Variants in PLEKHG4B observed in about 807,000 individuals in gnomAD.
The protein encoded by PLEKHG4B is pleckstrin homology and RhoGEF domain containing G4B, also known as pleckstrin homology domain-containing family G member 4B.
PLEKHG4B carries 111 observed loss-of-function variants against 121.3 expected under a neutral mutation model. That is an observed-to-expected ratio of 0.92 (90% CI 0.78 to 1.07). The LOEUF is 1.07. Among genes scored for constraint, PLEKHG4B ranks in the 50% least tolerant of loss-of-function variants. The pLI, the probability that PLEKHG4B is intolerant of heterozygous loss-of-function variation, is 0.00. For synonymous variants in PLEKHG4B, 738 were observed against 725.0 expected (o/e 1.02, Z -0.29); for missense variants, 1,831 against 1,757.8 (o/e 1.04, Z -0.74).
intron 14 of PLEKHG4B, 56 bp from the exon 15 acceptor site, chr5:170,987 C>T: frequency 1.4e-6 from 2 of 1,447,774 alleles, no homozygotes; most frequent in South Asian, 2.5e-5. Flanking sequence ...CTGCGGGAGC[C>T]TGCTGTCTCT....
rs887131222 is a variant in PLEKHG4B at position 173,086 on chromosome 5, G to A, written c.4221+19G>A. On this transcript the variant is annotated intron_variant, in intron 17 of 19. Coordinates refer to ENST00000637938, the MANE Select transcript of PLEKHG4B (RefSeq NM_052909.5). ...CTTCAAGGTAGCACCCGCCCGGTCCGATTGGGTGCAGGCCGAGCCAGGCCC... is the reference window on the plus strand; with the variant it reads ...CTTCAAGGTAGCACCCGCCCGGTCCAATTGGGTGCAGGCCGAGCCAGGCCC... 3.7e-6 allele frequency: 6 copies of A among 1,610,902 alleles called. No individual in the cohort carries two copies. Among genetic ancestry groups the A allele is most frequent in the African/African-American group, 2.7e-5 (2 of 74,870 alleles).
rs935485691 is a variant in PLEKHG4B, at chr5:163,082, G to A, written c.3010G>A (p.Glu1004Lys). The A allele has an allele frequency of 5.1e-6, 8 of 1,563,420 alleles. No homozygotes were observed. The African/African-American group carries it at 9.5e-5, about 19-fold the overall frequency. The change falls in exon 13 of 20, where the codon GAA becomes AAA. Residue 1004 changes from glutamate (E) to lysine (K), a missense_variant. Glu to Lys is a moderately conservative substitution (Grantham distance 56). Coordinates refer to ENST00000637938, the MANE Select transcript of PLEKHG4B (RefSeq NM_052909.5). ...PSTDSGGGAW[E>K]PAQPLSGLPG... ...CACGGACAGTGGGGGTGGTGCCTGG[G>A]AACCTGCGCAACCACTGTCCGGCCT...
intron 3 of PLEKHG4B, among the ~76,000 whole-genome samples, chr5:142,372 A>G (rs997531821): frequency 2.0e-5 from 3 of 151,850 alleles, no homozygotes; most frequent in African/African-American, 7.3e-5. Flanking sequence ...AGTTCCACAT[A>G]CGACACGCAC....
intron 1 of PLEKHG4B, among the ~76,000 whole-genome samples, chr5:110,516 A>G (rs111205988): frequency 0.17 from 23,125 of 137,596 alleles, 2,721 homozygotes; most frequent in African/African-American, 0.34. Flanking sequence ...TGCAACACAC[A>G]TGCACACATC....
At chr5:129,528 A>G (rs565969584) in intron 2 of PLEKHG4B, among the ~76,000 whole-genome samples, 3 of 152,362 alleles carry the variant, frequency 2.0e-5, no homozygotes, top group African/African-American at 7.2e-5. Flanking sequence ...GTATAAAACC[A>G]AACTGTAACT....
chr5:101,265 T>C (rs1461799290), intron 1 of PLEKHG4B, among the ~76,000 whole-genome samples: 1 of 125,400 alleles, frequency 8.0e-6, no homozygotes, highest in African/African-American at 4.0e-5. Flanking sequence ...GAGACTGTTG[T>C]GAGGTAAATC....
Position 163,342 on chromosome 5 carries a change from G to A in PLEKHG4B, c.3270G>A (p.Gln1090=), listed in dbSNP as rs1296629432. Residue 1090 remains glutamine, a synonymous_variant, in exon 13 of 20, where the codon CAG becomes CAA. Coordinates refer to ENST00000637938, the MANE Select transcript of PLEKHG4B (RefSeq NM_052909.5). Reference sequence around the variant, plus strand: ...AAACGCAAAGTTTCGAGATACCTCAGCCCGACAGTGGCCCCAGGGACTCCT... The same window carrying A: ...AAACGCAAAGTTTCGAGATACCTCAACCCGACAGTGGCCCCAGGGACTCCT... ...IKKTQSFEIP[Q]PDSGPRDSCQ... 6.2e-7 allele frequency: 1 copy of A among 1,613,312 alleles called. No homozygotes were observed. Among genetic ancestry groups the A allele is most frequent in the Non-Finnish European group, 8.5e-7 (1 of 1,180,026 alleles).
chr5:142,620 CCA>C (rs1240818643), intron 3 of PLEKHG4B, among the ~76,000 whole-genome samples: 3 of 151,852 alleles, frequency 2.0e-5, no homozygotes, highest in African/African-American at 7.3e-5. Flanking sequence ...GTTCCACATA[CCA>C]CACACACAAT....
chr5:102,496 G>A (rs939844709), intron 1 of PLEKHG4B, among the ~76,000 whole-genome samples: 6 of 152,120 alleles, frequency 3.9e-5, no homozygotes, highest in African/African-American at 7.2e-5. Flanking sequence ...CACTGCAACC[G>A]CCAGTGCTGT....
chr5:136,256 A>G (rs1040281719), intron 2 of PLEKHG4B, among the ~76,000 whole-genome samples: 2 of 152,214 alleles, frequency 1.3e-5, no homozygotes, highest in East Asian at 1.9e-4. Flanking sequence ...ATGACATCCA[A>G]TTTGGCAAAG....
chr5:108,119 C>A (rs963696344), intron 1 of PLEKHG4B, among the ~76,000 whole-genome samples: 2 of 152,138 alleles, frequency 1.3e-5, no homozygotes, highest in Admixed American at 1.3e-4. Context: ...TTATGGGAAT[C>A]GGAAAACCAT....
intron 7 of PLEKHG4B, among the ~76,000 whole-genome samples, chr5:153,847 C>T (rs1735679240): frequency 6.6e-6 from 1 of 152,014 alleles, no homozygotes; most frequent in Non-Finnish European, 1.5e-5. Flanking sequence ...CTAGCACGCT[C>T]CACTAATTTT....
intron 18 of PLEKHG4B, among the ~76,000 whole-genome samples, chr5:180,863 G>A (rs546110484): frequency 8.5e-5 from 13 of 152,216 alleles, no homozygotes; most frequent in Admixed American, 8.5e-4. Flanking sequence ...ATTACCTATT[G>A]GTGAAGATGA....
chr5:164,465 G>GC lies in PLEKHG4B; in HGVS notation c.3476+917_3476+918insC, dbSNP rs1560944460. On this transcript the variant is annotated intron_variant, in intron 13 of 19. Transcript: ENST00000637938. ...GACAGGGGGCGGGGCTCACAGTAAT[G>GC]TTGTGACGGAGCAGAGCTCACACTA... 1.3e-4 allele frequency among the ~76,000 whole-genome samples: 14 copies of GC among 111,502 alleles called. No homozygotes were observed. The East Asian group carries it at 2.7e-3, about 22-fold the overall frequency. 73.1% of individuals were successfully genotyped at this position (111,502 alleles called of 152,430 possible).
chr5:135,533 G>GC (rs894806889), intron 2 of PLEKHG4B, among the ~76,000 whole-genome samples: 1 of 149,672 alleles, frequency 6.7e-6, no homozygotes, highest in African/African-American at 2.5e-5. Flanking sequence ...TGGCATGGTG[G>GC]CAGGTACCTG....
chr5:189,893 AC>A lies in PLEKHG4B; in HGVS notation c.*7571del, dbSNP rs1733743993. The A allele has an allele frequency of 6.6e-6, 1 of 152,272 alleles. No individual in the cohort carries two copies. Among genetic ancestry groups the A allele is most frequent in the South Asian group, 2.1e-4 (1 of 4,836 alleles). 9.4% of individuals were successfully genotyped at this position (152,272 alleles called of 1,614,324 possible). A position where few individuals can be genotyped will look rare whatever the true frequency, so the allele number is the denominator to read the frequency against. On this transcript the variant is annotated 3_prime_UTR_variant, in exon 20 of 20. Transcript: ENST00000637938. Reference sequence around the variant, plus strand: ...TGTCTGGGAAATGGCGTTACCTGCCACTGTTGTTAAGTGTTTACTTTGTATC... The same window carrying A: ...TGTCTGGGAAATGGCGTTACCTGCCATGTTGTTAAGTGTTTACTTTGTATC...
At chr5:126,597 A>C (rs1734619702) in intron 2 of PLEKHG4B, among the ~76,000 whole-genome samples, 1 of 152,184 alleles carries the variant, frequency 6.6e-6, no homozygotes, top group African/African-American at 2.4e-5. Context: ...CATTTTGTTG[A>C]AAATTGGACA....
At chr5:94,701 T>C (rs1185353893) in intron 1 of PLEKHG4B, among the ~76,000 whole-genome samples, 2 of 151,736 alleles carry the variant, frequency 1.3e-5, no homozygotes, top group Non-Finnish European at 2.9e-5. Flanking sequence ...TCCCTTTACC[T>C]TATGGGGGGC....
intron 18 of PLEKHG4B, among the ~76,000 whole-genome samples, chr5:180,353 G>A (rs898781706): frequency 2.0e-5 from 3 of 152,168 alleles, no homozygotes; most frequent in Non-Finnish European, 4.4e-5. Context: ...CCCACTGAAT[G>A]TCTGGGAGTT....
Sources: allele counts gnomAD v4.1 joint callset (sites outside exome capture counted in the v4.1 genomes callset), GRCh38; gene constraint gnomAD v4.1.1; transcripts MANE v1.5; gene names NCBI Gene and HGNC (gene_info 2026-07-23, HGNC 2026-07-21).